Variants in SLIT1 observed in about 807,000 individuals in gnomAD.
The protein encoded by SLIT1 is slit homolog 1 protein.
A neutral mutation model predicts 186.1 loss-of-function variants in SLIT1; 66 were observed. That is an observed-to-expected ratio of 0.35 (90% CI 0.29 to 0.44). The LOEUF (loss-of-function observed/expected upper bound fraction) is 0.44. Among genes scored for constraint, SLIT1 ranks in the 20% least tolerant of loss-of-function variants. The pLI, the probability that SLIT1 is intolerant of heterozygous loss-of-function variation, is 1.00. For missense variants in SLIT1, 1,638 were observed against 2,037.4 expected (o/e 0.80, Z 3.77); for synonymous variants, 761 against 833.8 (o/e 0.91, Z 1.50).
At chr10:97,170,293 G>A (rs1475223231) in intron 1 of SLIT1, among the ~76,000 whole-genome samples, 5 of 152,226 alleles carry the variant, frequency 3.3e-5, no homozygotes, top group African/African-American at 9.7e-5. Flanking sequence ...GAGGATGATG[G>A]TAAGACCCAC....
intron 1 of SLIT1, among the ~76,000 whole-genome samples, chr10:97,170,142 T>A (rs1448651611): frequency 6.6e-6 from 1 of 152,238 alleles, no homozygotes; most frequent in Non-Finnish European, 1.5e-5. Flanking sequence ...CAGGCTGAGT[T>A]AAGTGTTCTT....
At chr10:97,185,027 A>C (rs1028063158) in intron 1 of SLIT1, among the ~76,000 whole-genome samples, 3 of 152,250 alleles carry the variant, frequency 2.0e-5, no homozygotes, top group African/African-American at 7.2e-5. Flanking sequence ...CTTCGTCAGG[A>C]GCAAGCTCTG....
chr10:97,025,355 A>C (rs995751031), intron 25 of SLIT1, among the ~76,000 whole-genome samples: 5 of 152,198 alleles, frequency 3.3e-5, no homozygotes, highest in Non-Finnish European at 7.3e-5. Flanking sequence ...GTCTAAAGCT[A>C]TTCAAAAATA....
chr10:97,042,261 G>C (rs950057016), intron 20 of SLIT1, among the ~76,000 whole-genome samples: 1 of 152,104 alleles, frequency 6.6e-6, no homozygotes, highest in African/African-American at 2.4e-5. Context: ...ACCCAGAAGC[G>C]GAGAAGGGGG....
chr10:97,028,148 AC>A (rs1255481423), intron 25 of SLIT1, among the ~76,000 whole-genome samples: 1 of 152,166 alleles, frequency 6.6e-6, no homozygotes, highest in Non-Finnish European at 1.5e-5. Flanking sequence ...TGAGCATGCA[AC>A]CAAAAATTAC....
chr10:97,031,554 G>C, intron 24 of SLIT1, 52 bp downstream of exon 24: 1 of 1,430,958 alleles, frequency 7.0e-7, no homozygotes, highest in Non-Finnish European at 9.6e-7. Flanking sequence ...GTGGGTGGCA[G>C]GACCCTCAGT....
chr10:97,135,264 G>A (rs1849691556), intron 4 of SLIT1, among the ~76,000 whole-genome samples: 1 of 152,046 alleles, frequency 6.6e-6, no homozygotes, highest in Non-Finnish European at 1.5e-5. Flanking sequence ...GTCTTCATCT[G>A]TCCATAACAG....
At chr10:97,149,712 A>G (rs1355587803) in intron 4 of SLIT1, among the ~76,000 whole-genome samples, 1 of 152,122 alleles carries the variant, frequency 6.6e-6, no homozygotes, top group Non-Finnish European at 1.5e-5. Context: ...GGCAGTTTGA[A>G]GGTAAGTATG....
intron 28 of SLIT1, among the ~76,000 whole-genome samples, chr10:97,014,492 G>T (rs372625620): frequency 6.6e-6 from 1 of 152,232 alleles, no homozygotes; most frequent in African/African-American, 2.4e-5. Context: ...AGGCTTCCTG[G>T]AGGAGGTGAT....
intron 8 of SLIT1, among the ~76,000 whole-genome samples, chr10:97,061,307 A>T (rs1848892093): frequency 6.6e-6 from 1 of 152,254 alleles, no homozygotes; most frequent in Admixed American, 6.5e-5. Context: ...CTCACAGCTA[A>T]TAAGTGGTAA....
At chr10:97,085,752 A>T (rs1416872404) in intron 4 of SLIT1, among the ~76,000 whole-genome samples, 1 of 152,204 alleles carries the variant, frequency 6.6e-6, no homozygotes, top group East Asian at 1.9e-4. Context: ...TATCTCCTTC[A>T]TTTAATCTTG....
chr10:97,011,134 G>A lies in SLIT1; in HGVS notation c.3204-4C>T. 6.2e-7 allele frequency: 1 copy of A among 1,612,282 alleles called. No individual in the cohort carries two copies. On this transcript the variant is annotated splice_polypyrimidine_tract_variant and splice_region_variant and intron_variant, in intron 30 of 36. Transcript: ENST00000266058. ...ATAACCTGGCATGCACTCACACCTA[G>A]TGGGTGGGGGGCAGGGGTAGTTGGG... is the stretch of plus-strand genomic sequence containing the variant.
At chr10:97,101,753 C>T (rs1849356465) in intron 4 of SLIT1, among the ~76,000 whole-genome samples, 1 of 152,216 alleles carries the variant, frequency 6.6e-6, no homozygotes, top group Admixed American at 6.5e-5. Flanking sequence ...CCAGGCAGCA[C>T]CAGCCCTGCT....
intron 21 of SLIT1, among the ~76,000 whole-genome samples, chr10:97,039,734 A>G (rs1242572132): frequency 6.6e-6 from 1 of 152,210 alleles, no homozygotes; most frequent in East Asian, 1.9e-4. Context: ...TTAAAGGCGG[A>G]GCTTAGTTTA....
chr10:97,045,031 T>C (rs1337888487), intron 18 of SLIT1, among the ~76,000 whole-genome samples: 1 of 152,146 alleles, frequency 6.6e-6, no homozygotes, highest in African/African-American at 2.4e-5. Context: ...GAGGACACAA[T>C]GAGAAGTCAG....
chr10:97,127,679 C>T (rs769040712), intron 4 of SLIT1, among the ~76,000 whole-genome samples: 9 of 152,168 alleles, frequency 5.9e-5, no homozygotes, highest in Non-Finnish European at 1.2e-4. Flanking sequence ...AGGGATCATG[C>T]GTAGTCACAT....
intron 4 of SLIT1, among the ~76,000 whole-genome samples, chr10:97,085,213 A>T (rs185587315): frequency 1.3e-5 from 2 of 151,366 alleles, no homozygotes; most frequent in Admixed American, 6.6e-5. Flanking sequence ...GTGAGCCACC[A>T]CGCCCAGCGT....
At chr10:97,019,982 AT>A (rs200725353) in intron 26 of SLIT1, among the ~76,000 whole-genome samples, 8,505 of 144,870 alleles carry the variant, frequency 0.059, 333 homozygotes, top group East Asian at 0.17. Flanking sequence ...ATTTTCCTTT[AT>A]TTTTTTTTTT....
Position 97,073,758 on chromosome 10 carries a change from T to C in SLIT1, c.414-7672A>G, listed in dbSNP as rs549083316. 3.9e-5 allele frequency among the ~76,000 whole-genome samples: 6 copies of C among 152,234 alleles called. No homozygotes were observed. In the South Asian group the frequency reaches 1.0e-3, roughly 26 times the overall value. ...CTTGGCTCCACTCACTTAAATCGTG[T>C]GGTCTCGGGCAAGTCATGTAACCTC... On this transcript the variant is annotated intron_variant, in intron 4 of 36. Transcript: ENST00000266058.
Sources: allele counts gnomAD v4.1 joint callset (sites outside exome capture counted in the v4.1 genomes callset), GRCh38; gene constraint gnomAD v4.1.1; transcripts MANE v1.5; gene names NCBI Gene and HGNC (gene_info 2026-07-23, HGNC 2026-07-21).